SLTM: variants seen among roughly 807,000 people sequenced by gnomAD.
SLTM encodes SAFB-like transcription modulator.
In SLTM, 43 loss-of-function variants were observed where a neutral mutation model predicts 134.6. The observed-to-expected ratio is 0.32, with a 90% confidence interval of 0.25 to 0.41. The LOEUF (loss-of-function observed/expected upper bound fraction) is 0.41. Among genes scored for constraint, SLTM ranks in the 10% least tolerant of loss-of-function variants. SLTM has a pLI of 1.00. For synonymous variants in SLTM, 424 were observed against 432.3 expected, an observed-to-expected ratio of 0.98 and a Z score of 0.24; for missense variants, 1,055 against 1,288.8, an observed-to-expected ratio of 0.82 and a Z score of 2.78.
At chr15:58,888,661 G>A in intron 16 of SLTM, 106 bp from the exon 17 acceptor site, 1 of 1,084,158 alleles carries the variant, frequency 9.2e-7, no homozygotes, top group Non-Finnish European at 1.3e-6. Context: ...GACATAACAG[G>A]GCTAGTAAAC....
chr15:58,890,998 C>T (rs1282923784), intron 14 of SLTM, among the ~76,000 whole-genome samples: 1 of 152,138 alleles, frequency 6.6e-6, no homozygotes, highest in Non-Finnish European at 1.5e-5. Context: ...ATAGATGGCT[C>T]CAGGTAACAT....
intron 2 of SLTM, among the ~76,000 whole-genome samples, chr15:58,926,834 G>A (rs1349498471): frequency 2.0e-5 from 3 of 151,948 alleles, no homozygotes; most frequent in East Asian, 1.9e-4. Flanking sequence ...GGCTAGTCTC[G>A]AACTCCTGAC....
intron 5 of SLTM, among the ~76,000 whole-genome samples, chr15:58,905,670 C>A (rs1450276345): frequency 6.6e-6 from 1 of 151,834 alleles, no homozygotes; most frequent in Non-Finnish European, 1.5e-5. Flanking sequence ...AAACTGATAG[C>A]TTCAAGAAAA....
In SLTM at chr15:58,922,581, G is replaced by A. The variant is rs796122677; in HGVS notation, c.251-5582C>T. Among the ~76,000 whole-genome samples the A allele has an allele frequency of 1.2e-3, 171 of 139,414 alleles. 1 individual carries two copies. In the South Asian group the frequency reaches 0.023, roughly 19 times the overall value. The allele number at this position is 139,414 out of a possible 152,430, so 91.5% of individuals were successfully genotyped here. A position where few individuals can be genotyped will look rare whatever the true frequency, so the allele number is the denominator to read the frequency against. On this transcript the variant is annotated intron_variant, in intron 2 of 20. Transcript: ENST00000380516. ...TATGTATATAATATATATTATATAC[G>A]TATAAAATATATATTATATACGTAT...
chr15:58,930,886 G>C (rs1369201358), intron 2 of SLTM, among the ~76,000 whole-genome samples: 1 of 151,608 alleles, frequency 6.6e-6, no homozygotes, highest in African/African-American at 2.4e-5. Context: ...AACTGAAAAA[G>C]GGATATACAG....
Position 58,897,252 on chromosome 15 carries a change from CA to C in SLTM, c.1109-20del. ...GTACTTCCTAGAATAGATTTAATATCAGATGTTTAAGTATCTCAATCAGAAT... is the reference window on the plus strand; with the variant it reads ...GTACTTCCTAGAATAGATTTAATATCGATGTTTAAGTATCTCAATCAGAAT... On this transcript the variant is annotated intron_variant, in intron 8 of 20. Transcript: ENST00000380516. The C allele has an allele frequency of 7.3e-7, 1 of 1,367,572 alleles. No homozygotes were observed. Among genetic ancestry groups the C allele is most frequent in the Non-Finnish European group, 1.0e-6 (1 of 963,198 alleles). The allele number at this position is 1,367,572 out of a possible 1,614,324, so 84.7% of individuals were successfully genotyped here.
At chr15:58,929,758 TCTCTGCCATTTTAGAA>T (rs1163837682) in intron 2 of SLTM, among the ~76,000 whole-genome samples, 1 of 151,960 alleles carries the variant, frequency 6.6e-6, no homozygotes, top group East Asian at 1.9e-4. Flanking sequence ...AGAGAAAACA[TCTCTGCCATTTTAGAA>T]CTCTGCCATT....
chr15:58,880,243 T>C (rs1337617493), intron 20 of SLTM, 136 bp from the exon 21 acceptor site: 10 of 1,160,414 alleles, frequency 8.6e-6, no homozygotes, highest in African/African-American at 4.7e-5. Flanking sequence ...GTCTGAACCA[T>C]TGCTAACCCC....
intron 5 of SLTM, 70 bp downstream of exon 5, chr15:58,912,493 C>CAAA (rs2036349270): frequency 3.2e-6 from 4 of 1,264,414 alleles, no homozygotes; most frequent in Non-Finnish European, 4.6e-6. Flanking sequence ...ATTATGAAGT[C>CAAA]AAAATAAGAT....
chr15:58,913,515 T>C lies in SLTM; in HGVS notation c.497A>G (p.Glu166Gly). 1 of 1,609,328 alleles carries C rather than the reference T, an allele frequency of 6.2e-7. No individual in the cohort carries two copies. The highest frequency in any genetic ancestry group is 8.5e-7 in the Non-Finnish European group (1 of 1,178,832). Residue 166 changes from glutamate to glycine, a missense_variant, in exon 4 of 21, where the codon GAG (glutamate) becomes GGG (glycine). By Grantham distance (98) the Glu-to-Gly change is moderately conservative. Transcript: ENST00000380516. The stretch of plus-strand genomic sequence containing the variant: ...GCTAAAGACCTGACTTTCGATGTCC[T>C]CTTTTTCTATATCTTCTATTCCTTC... The part of the protein sequence containing the change: ...EAEGIEDIEK[E>G]DIESQEIEAQ...
At chr15:58,919,226 T>C (rs1402131718) in intron 2 of SLTM, among the ~76,000 whole-genome samples, 1 of 152,222 alleles carries the variant, frequency 6.6e-6, no homozygotes, top group Non-Finnish European at 1.5e-5. Flanking sequence ...TAAATTCTTC[T>C]ATTACATTTA....
intron 15 of SLTM, chr15:58,889,948 T>C: frequency 2.7e-6 from 1 of 369,060 alleles, no homozygotes. Flanking sequence ...ATTCCCACTA[T>C]AATATGTAAG....
In SLTM at chr15:58,888,578, T is replaced by C. The variant is rs759137746; in HGVS notation, c.2205-23A>G. 1.9e-6 allele frequency: 3 copies of C among 1,611,356 alleles called. No homozygotes were observed. The African/African-American group carries it at 4.0e-5, about 22-fold the overall frequency. ...CGCCTTGAAGAGAAATATTTGCTTA[T>C]TTACATAAATTAGTTCTACAGTAAT... On this transcript the variant is annotated intron_variant, in intron 16 of 20. Coordinates refer to ENST00000380516, the MANE Select transcript of SLTM (RefSeq NM_024755.4).
At chr15:58,886,928 C>G (rs756314485) in intron 19 of SLTM, 47 bp downstream of exon 19, 20 of 1,609,836 alleles carry the variant, frequency 1.2e-5, no homozygotes, top group Non-Finnish European at 1.6e-5. Context: ...CATGAATCCT[C>G]TAAATGTATG....
At chr15:58,907,563 G>T (rs2035951154) in intron 5 of SLTM, among the ~76,000 whole-genome samples, 1 of 152,182 alleles carries the variant, frequency 6.6e-6, no homozygotes, top group South Asian at 2.1e-4. Flanking sequence ...CAAGGCTGCA[G>T]TCAGGGGAGA....
intron 5 of SLTM, among the ~76,000 whole-genome samples, chr15:58,909,164 A>G (rs1267581343): frequency 1.3e-5 from 2 of 152,222 alleles, no homozygotes; most frequent in Non-Finnish European, 2.9e-5. Flanking sequence ...ACATCTTTAC[A>G]TACCAGCAAG....
intron 2 of SLTM, among the ~76,000 whole-genome samples, chr15:58,922,328 G>T (rs1285546068): frequency 8.3e-6 from 1 of 120,084 alleles, no homozygotes; most frequent in African/African-American, 3.3e-5. Flanking sequence ...AGTGAGCCGA[G>T]ATCATGCCAC....
In SLTM at chr15:58,880,515, G is replaced by A. The variant is rs139347094; in HGVS notation, c.2997-408C>T. ...CTCAGACCACAGAGAAAGAAACTGA[G>A]GGTGGGACTCCCAGCAACCTGTGCT... On this transcript the variant is annotated intron_variant, in intron 20 of 20. Coordinates refer to ENST00000380516, the MANE Select transcript of SLTM (RefSeq NM_024755.4). Among the ~76,000 whole-genome samples, 313 of 152,206 alleles carry A rather than the reference G, an allele frequency of 2.1e-3. 2 individuals carry two copies. The highest frequency in any genetic ancestry group is 7.1e-3 in the African/African-American group (293 of 41,548).
At chr15:58,883,005 C>T (rs1396863698) in intron 20 of SLTM, among the ~76,000 whole-genome samples, 1 of 152,180 alleles carries the variant, frequency 6.6e-6, no homozygotes, top group African/African-American at 2.4e-5. Context: ...GATGATGGTT[C>T]CAATGTGAGG....
Sources: gnomAD v4.1 joint callset for allele counts (sites outside exome capture counted in the v4.1 genomes callset) on GRCh38, gnomAD v4.1.1 for gene constraint, MANE v1.5 for transcripts, NCBI Gene and HGNC (gene_info 2026-07-23, HGNC 2026-07-21) for gene names.